The following SOX5 variants were observed in gnomAD, a reference collection of about 807,000 sequenced individuals.
SOX5 encodes the protein SRY-box transcription factor 5, also known as transcription factor SOX-5.
Under a neutral mutation model 92.0 loss-of-function variants are expected in SOX5, and 9 were observed. The observed-to-expected ratio is 0.10, with a 90% CI of 0.06 to 0.17. The LOEUF (loss-of-function observed/expected upper bound fraction) is 0.17. SOX5 is among the 10% of genes least tolerant of loss of function. The probability of loss-of-function intolerance (pLI) is 1.00; values close to 1 mark genes in which losing one functional copy is unlikely to be tolerated. For missense variants in SOX5, 642 were observed against 944.5 expected (o/e 0.68, Z 4.20); for synonymous variants, 344 against 336.3 (o/e 1.02, Z -0.25).
intron 1 of SOX5, among the ~76,000 whole-genome samples, chr12:23,927,422 C>T (rs1173318952): frequency 6.6e-6 from 1 of 152,002 alleles, no homozygotes; most frequent in Non-Finnish European, 1.5e-5. Context: ...TTTTATCTCC[C>T]TCTCTTTCAT....
chr12:23,899,408 AG>A (rs1370938833), intron 1 of SOX5, among the ~76,000 whole-genome samples: 1 of 146,114 alleles, frequency 6.8e-6, no homozygotes, highest in East Asian at 2.5e-4. Context: ...CTGAAAAAAA[AG>A]AAAAAAAAAA....
chr12:24,307,669 T>C lies in SOX5; in HGVS notation c.-173-30357A>G, dbSNP rs1480004713. 5.6e-5 allele frequency among the ~76,000 whole-genome samples: 4 copies of C among 71,980 alleles called. 2 individuals carry two copies. 47.2% of individuals were successfully genotyped at this position (71,980 alleles called of 152,430 possible). Reference sequence around the variant, plus strand: ...CTTTTTAATAAACGTTCACTGCTTCTCTAAAACACATACAAACACAAACAC... The same window carrying C: ...CTTTTTAATAAACGTTCACTGCTTCCCTAAAACACATACAAACACAAACAC... On this transcript the variant is annotated intron_variant, in intron 2 of 4. Transcript: ENST00000446891.
At chr12:23,636,143 G>T (rs758307646) in intron 8 of SOX5, among the ~76,000 whole-genome samples, 1 of 152,142 alleles carries the variant, frequency 6.6e-6, no homozygotes, top group South Asian at 2.1e-4. Flanking sequence ...GATTTAAAAT[G>T]TGTAAAGAAA....
intron 3 of SOX5, among the ~76,000 whole-genome samples, chr12:24,246,819 A>G (rs1938860850): frequency 6.6e-6 from 1 of 152,182 alleles, no homozygotes; most frequent in South Asian, 2.1e-4. Flanking sequence ...ATACCCTAGT[A>G]CTTCCAGAAA....
intron 3 of SOX5, among the ~76,000 whole-genome samples, chr12:23,825,322 G>T (rs113958246): frequency 0.05 from 7,629 of 152,264 alleles, 250 homozygotes; most frequent in Non-Finnish European, 0.07. Context: ...CCTTGGCTAG[G>T]GGAGGGAGTT....
At chr12:23,756,324 A>T (rs2094376395) in intron 3 of SOX5, among the ~76,000 whole-genome samples, 1 of 151,746 alleles carries the variant, frequency 6.6e-6, no homozygotes, top group Non-Finnish European at 1.5e-5. Flanking sequence ...TATAATGGAA[A>T]CCTATTATTT....
upstream of SOX5, among the ~76,000 whole-genome samples, chr12:23,950,477 A>T (rs1945436045): frequency 6.6e-6 from 1 of 152,142 alleles, no homozygotes; most frequent in African/African-American, 2.4e-5. Context: ...TCAGCTCTAA[A>T]CTCCATAAAA....
intron 4 of SOX5, among the ~76,000 whole-genome samples, chr12:24,113,222 C>A (rs1209227215): frequency 3.7e-5 from 5 of 136,062 alleles, no homozygotes; most frequent in Non-Finnish European, 7.8e-5. Context: ...GAGAAATGAT[C>A]AACTCAGATA....
At chr12:23,719,803 A>C (rs997994460) in intron 6 of SOX5, among the ~76,000 whole-genome samples, 2 of 150,234 alleles carry the variant, frequency 1.3e-5, no homozygotes, top group Admixed American at 6.7e-5. Context: ...AAAAAAAAAA[A>C]AAAAAAAACT....
At chr12:24,444,871 C>T (rs932930635) in intron 1 of SOX5, among the ~76,000 whole-genome samples, 4 of 152,190 alleles carry the variant, frequency 2.6e-5, no homozygotes, top group Admixed American at 2.6e-4. Context: ...CATCCTGCTT[C>T]CTGAGCCTTG....
chr12:24,539,991 T>A (rs1369381036), intron 1 of SOX5, among the ~76,000 whole-genome samples: 1 of 152,076 alleles, frequency 6.6e-6, no homozygotes, highest in Non-Finnish European at 1.5e-5. Context: ...TATGAAGAGG[T>A]GAACTGGAAT....
At chr12:24,167,994 A>ATGT (rs1196487654) in intron 4 of SOX5, among the ~76,000 whole-genome samples, 1 of 152,190 alleles carries the variant, frequency 6.6e-6, no homozygotes, top group African/African-American at 2.4e-5. Flanking sequence ...AGAGGAAAGG[A>ATGT]TGTTCCTTGT....
chr12:23,841,672 A>G (rs1476279229), intron 3 of SOX5, among the ~76,000 whole-genome samples: 1 of 152,142 alleles, frequency 6.6e-6, no homozygotes, highest in East Asian at 1.9e-4. Flanking sequence ...TTAAATTACT[A>G]AGTGACAGAG....
chr12:24,364,517 T>TATAC (rs1178913824), intron 2 of SOX5, among the ~76,000 whole-genome samples: 3 of 103,028 alleles, frequency 2.9e-5, no homozygotes, highest in Non-Finnish European at 5.6e-5. Context: ...TTTTCATATA[T>TATAC]ATATATATAT....
At chr12:24,433,268 C>T (rs1938719343) in intron 1 of SOX5, among the ~76,000 whole-genome samples, 1 of 152,076 alleles carries the variant, frequency 6.6e-6, no homozygotes, top group Non-Finnish European at 1.5e-5. Context: ...TGATAAAAGA[C>T]ATAGCAGAAG....
chr12:23,712,259 A>C (rs769362999), intron 6 of SOX5, among the ~76,000 whole-genome samples: 2 of 152,208 alleles, frequency 1.3e-5, no homozygotes, highest in Non-Finnish European at 2.9e-5. Context: ...AGGGATACGT[A>C]ATTTCCCATT....
intron 3 of SOX5, among the ~76,000 whole-genome samples, chr12:23,845,215 T>C (rs1164519815): frequency 1.3e-5 from 2 of 152,208 alleles, no homozygotes; most frequent in East Asian, 1.9e-4. Flanking sequence ...TTCCATCTGA[T>C]TGAAACAGGA....
chr12:23,575,944 A>G (rs1480234216), intron 9 of SOX5, 106 bp from the exon 10 acceptor site: 1 of 792,926 alleles, frequency 1.3e-6, no homozygotes, highest in Non-Finnish European at 2.0e-6. Context: ...TTACTCTACC[A>G]ATCAGTGATC....
At chr12:24,551,582 A>G (rs1385575498) in intron 1 of SOX5, among the ~76,000 whole-genome samples, 1 of 152,238 alleles carries the variant, frequency 6.6e-6, no homozygotes, top group Non-Finnish European at 1.5e-5. Flanking sequence ...ACGGAGAACA[A>G]AACAGATCAC....
Sources: gnomAD v4.1 joint callset for allele counts (sites outside exome capture counted in the v4.1 genomes callset) on GRCh38, gnomAD v4.1.1 for gene constraint, MANE v1.5 for transcripts, NCBI Gene and HGNC (gene_info 2026-07-23, HGNC 2026-07-21) for gene names.